Variants in ROBO1 observed in about 807,000 individuals in gnomAD.
ROBO1 encodes roundabout homolog 1.
ROBO1 carries 149 observed loss-of-function variants against 195.9 expected under a neutral mutation model. The ratio of observed to expected loss-of-function variants is 0.76; its 90% CI spans 0.67 to 0.87. The LOEUF is 0.87. ROBO1 is among the 40% of genes least tolerant of loss of function. The probability of loss-of-function intolerance (pLI) is 0.00; values close to 1 mark genes in which losing one functional copy is unlikely to be tolerated. For synonymous variants in ROBO1, 816 were observed against 733.2 expected (o/e 1.11, Z -1.82); for missense variants, 1,933 against 2,068.3 (o/e 0.93, Z 1.27).
intron 2 of ROBO1, among the ~76,000 whole-genome samples, chr3:79,365,723 C>T (rs1352741720): frequency 2.0e-5 from 3 of 152,018 alleles, no homozygotes; most frequent in Non-Finnish European, 4.4e-5. Flanking sequence ...CGGTGAAACC[C>T]CGTCTCTACT....
chr3:79,492,354 G>T (rs1939505823), intron 2 of ROBO1, among the ~76,000 whole-genome samples: 1 of 150,204 alleles, frequency 6.7e-6, no homozygotes, highest in African/African-American at 2.5e-5. Flanking sequence ...GAACCCGGGA[G>T]GCAGAGGTTG....
intron 3 of ROBO1, among the ~76,000 whole-genome samples, chr3:78,992,275 G>A (rs566401576): frequency 3.3e-5 from 5 of 149,612 alleles, no homozygotes; most frequent in Non-Finnish European, 6.0e-5. Context: ...ATATCATCTC[G>A]CTAAGCCAAC....
In ROBO1 at chr3:78,627,464, C is replaced by A; in HGVS notation, c.3732G>T (p.Arg1244=). ...EDERGPTPPV[R]GAASSPAAVS... ...CGGCAGCTGGAGAAGAAGCTGCTCC[C>A]CGAACAGGGGGAGTGGGGCCTCGTT... Residue 1244 remains arginine (R), a synonymous_variant, in exon 26 of 31, where the codon CGG becomes CGT. Transcript: ENST00000464233. 1 of 1,613,110 alleles carries A rather than the reference C, an allele frequency of 6.2e-7. No homozygotes were observed. The highest frequency in any genetic ancestry group is 8.5e-7 in the Non-Finnish European group (1 of 1,179,596).
At position 79,563,194 on chromosome 3, in the gene ROBO1, C is replaced by T. The variant is rs553161663; in HGVS notation, c.88+26630G>A. ...ATTTGTTTTGTCCTATTGCAACCCC[C>T]TTCAACTTGTAGCACACAAAACTAC... On this transcript the variant is annotated intron_variant, in intron 2 of 30. Transcript: ENST00000464233. Among the ~76,000 whole-genome samples, 4 of 152,120 alleles carry T rather than the reference C, an allele frequency of 2.6e-5. No individual in the cohort carries two copies. The South Asian group carries it at 8.3e-4, about 31-fold the overall frequency.
intron 2 of ROBO1, among the ~76,000 whole-genome samples, chr3:79,520,091 G>A (rs1217464743): frequency 6.6e-6 from 1 of 151,816 alleles, no homozygotes; most frequent in South Asian, 2.1e-4. Context: ...GAGCCCAGGG[G>A]GTCGAGGCTG....
chr3:79,020,467 G>A (rs547427811), intron 3 of ROBO1, among the ~76,000 whole-genome samples: 22 of 152,126 alleles, frequency 1.4e-4, no homozygotes, highest in Non-Finnish European at 2.9e-4. Context: ...CCAAGCGGGC[G>A]GATCATTTAA....
At chr3:78,793,973 A>T (rs2084106737) in intron 4 of ROBO1, among the ~76,000 whole-genome samples, 2 of 152,120 alleles carry the variant, frequency 1.3e-5, no homozygotes, top group Admixed American at 1.3e-4. Context: ...ATCCTCATCT[A>T]AAAAAATGAG....
At chr3:79,685,809 C>A (rs563581399) in intron 1 of ROBO1, among the ~76,000 whole-genome samples, 1 of 152,230 alleles carries the variant, frequency 6.6e-6, no homozygotes, top group African/African-American at 2.4e-5. Flanking sequence ...GGAGCTGGTA[C>A]CATTACTTCT....
At chr3:79,373,982 A>G (rs935438025) in intron 2 of ROBO1, among the ~76,000 whole-genome samples, 2 of 152,172 alleles carry the variant, frequency 1.3e-5, no homozygotes, top group Non-Finnish European at 2.9e-5. Context: ...ACTATTTGAT[A>G]GGACCATAAT....
chr3:79,525,184 A>G (rs1273404751), intron 2 of ROBO1, among the ~76,000 whole-genome samples: 3 of 151,374 alleles, frequency 2.0e-5, no homozygotes, highest in African/African-American at 7.2e-5. Flanking sequence ...TAATAAATGT[A>G]GAAATAGTTT....
At chr3:79,453,762 G>C (rs2039521503) in intron 2 of ROBO1, among the ~76,000 whole-genome samples, 1 of 152,024 alleles carries the variant, frequency 6.6e-6, no homozygotes. Context: ...GGCCAGAATA[G>C]GAAACTTGGA....
chr3:78,922,753 G>A (rs1560003991), intron 4 of ROBO1, among the ~76,000 whole-genome samples: 1 of 151,766 alleles, frequency 6.6e-6, no homozygotes, highest in Non-Finnish European at 1.5e-5. Context: ...GGAATTACAG[G>A]CATGCACCAC....
intron 4 of ROBO1, 87 bp downstream of exon 4, chr3:78,938,514 C>T: frequency 8.5e-7 from 1 of 1,169,616 alleles, no homozygotes; most frequent in Non-Finnish European, 1.2e-6. Flanking sequence ...GCCTGAGATA[C>T]AAATTCGACT....
chr3:78,731,295 G>C (rs2082280335), intron 5 of ROBO1, among the ~76,000 whole-genome samples: 1 of 152,028 alleles, frequency 6.6e-6, no homozygotes, highest in African/African-American at 2.4e-5. Context: ...TATACTGTTG[G>C]AACTTTGAGC....
intron 2 of ROBO1, among the ~76,000 whole-genome samples, chr3:79,457,966 A>G (rs1308072792): frequency 6.6e-6 from 1 of 152,186 alleles, no homozygotes; most frequent in Admixed American, 6.6e-5. Context: ...GAGTAATTAC[A>G]AAATTTTAAT....
rs189343194 is a variant in ROBO1, at chr3:78,744,650, A to G, written c.657+2093T>C. On this transcript the variant is annotated intron_variant, in intron 5 of 30. Transcript: ENST00000464233. ...TTAGGGTTTTTCTATTTAATATTTTATCTGCCTAGAATACCCTTTTTCCAG... is the reference window on the plus strand; with the variant it reads ...TTAGGGTTTTTCTATTTAATATTTTGTCTGCCTAGAATACCCTTTTTCCAG... Among the ~76,000 whole-genome samples the G allele has an allele frequency of 3.7e-3, 570 of 152,230 alleles. 6 individuals are homozygous for G. Among genetic ancestry groups the G allele is most frequent in the African/African-American group, 0.013 (548 of 41,556 alleles).
At chr3:79,391,184 C>T (rs138588253) in intron 2 of ROBO1, among the ~76,000 whole-genome samples, 34 of 151,308 alleles carry the variant, frequency 2.2e-4, no homozygotes, top group African/African-American at 2.9e-4. Context: ...TCCCAGCTAC[C>T]GAGGAGGCTG....
intron 1 of ROBO1, among the ~76,000 whole-genome samples, chr3:79,758,089 C>A (rs1361151626): frequency 6.6e-6 from 1 of 152,178 alleles, no homozygotes; most frequent in Non-Finnish European, 1.5e-5. Context: ...CAGCTATCCA[C>A]TGAAAATTAA....
chr3:79,107,580 G>C (rs181313674), intron 3 of ROBO1, among the ~76,000 whole-genome samples: 1 of 151,700 alleles, frequency 6.6e-6, no homozygotes, highest in East Asian at 1.9e-4. Context: ...TGTGATTATA[G>C]GTGGCTGAAA....
Sources: gnomAD v4.1 joint callset for allele counts (sites outside exome capture counted in the v4.1 genomes callset) on GRCh38, gnomAD v4.1.1 for gene constraint, MANE v1.5 for transcripts, NCBI Gene and HGNC (gene_info 2026-07-23, HGNC 2026-07-21) for gene names.